Variants in SGK1 observed in about 807,000 individuals in gnomAD.
SGK1 encodes the protein serine/threonine-protein kinase Sgk1.
In SGK1, 26 loss-of-function variants were observed where a neutral mutation model predicts 64.2. The ratio of observed to expected loss-of-function variants is 0.40; its 90% CI spans 0.30 to 0.56. The LOEUF is 0.56. SGK1 is among the 20% of genes least tolerant of loss of function. The pLI, the probability that SGK1 is intolerant of heterozygous loss-of-function variation, is 0.38. For synonymous variants in SGK1, 265 were observed against 239.7 expected, an observed-to-expected ratio of 1.11 and a Z score of -0.98; for missense variants, 519 against 645.6, an observed-to-expected ratio of 0.80 and a Z score of 2.12.
intron 1 of SGK1, among the ~76,000 whole-genome samples, chr6:134,289,650 T>C (rs1217417533): frequency 6.6e-6 from 1 of 152,178 alleles, no homozygotes; most frequent in African/African-American, 2.4e-5. Flanking sequence ...ATTTTACATC[T>C]AAAGTACATC....
intron 1 of SGK1, among the ~76,000 whole-genome samples, chr6:134,273,480 C>A (rs146986103): frequency 2.7e-5 from 4 of 147,190 alleles, no homozygotes; most frequent in Admixed American, 6.9e-5. Context: ...GTAGTCCCAG[C>A]TACTTGGGAG....
intron 3 of SGK1, among the ~76,000 whole-genome samples, chr6:134,175,371 TC>T (rs1775198798): frequency 6.6e-6 from 1 of 151,516 alleles, no homozygotes; most frequent in African/African-American, 2.4e-5. Context: ...CGCGCCACCC[TC>T]CGGGGTTTAT....
At chr6:134,284,842 C>T (rs144940699) in intron 1 of SGK1, among the ~76,000 whole-genome samples, 1 of 152,184 alleles carries the variant, frequency 6.6e-6, no homozygotes, top group African/African-American at 2.4e-5. Flanking sequence ...CCAGCTACAC[C>T]CAAGTTGTGG....
chr6:134,206,337 TGATATATATATATATATATATA>T lies in SGK1; in HGVS notation c.361+997_361+1018del, dbSNP rs1562250122. On this transcript the variant is annotated intron_variant, in intron 3 of 13. Transcript: ENST00000367858. ...TCACAATCCACAAAGCTGTACCTGA[TGATATATATATATATATATATA>T]TATATATATATATATATATATATAT... 2.3e-4 allele frequency among the ~76,000 whole-genome samples: 26 copies of T among 111,454 alleles called. 1 individual carries two copies. Among genetic ancestry groups the T allele is most frequent in the South Asian group, 1.2e-3 (4 of 3,350 alleles). 73.1% of individuals were successfully genotyped at this position (111,454 alleles called of 152,430 possible).
At chr6:134,299,984 A>C (rs967677235) in intron 1 of SGK1, among the ~76,000 whole-genome samples, 36 of 152,200 alleles carry the variant, frequency 2.4e-4, no homozygotes, top group Non-Finnish European at 2.9e-5. Flanking sequence ...AACACACAGC[A>C]GATAACTGAG....
chr6:134,202,459 C>A (rs1369947109), intron 3 of SGK1, among the ~76,000 whole-genome samples: 2 of 151,996 alleles, frequency 1.3e-5, no homozygotes, highest in Admixed American at 1.3e-4. Context: ...GCCTGGCCAA[C>A]ATGGTGAAAC....
chr6:134,269,047 T>C (rs1328469051), intron 1 of SGK1, among the ~76,000 whole-genome samples: 6 of 147,292 alleles, frequency 4.1e-5, no homozygotes. Flanking sequence ...TTTCCACTTG[T>C]GGTTTTTTCC....
chr6:134,274,785 T>A (rs75127917), intron 1 of SGK1, among the ~76,000 whole-genome samples: 10,716 of 148,396 alleles, frequency 0.072, 647 homozygotes, highest in East Asian at 0.25. Flanking sequence ...ATTGCCCTTT[T>A]AGTCTTTTCT....
chr6:134,210,639 C>T (rs1038277125), intron 2 of SGK1, among the ~76,000 whole-genome samples: 1 of 151,368 alleles, frequency 6.6e-6, no homozygotes, highest in Non-Finnish European at 1.5e-5. Context: ...GCCTGGCAAA[C>T]ATGGTGAAAC....
At position 134,317,342 on chromosome 6, in the gene SGK1, A is replaced by G. The variant is rs375658051; in HGVS notation, c.69+50T>C. 23 of 1,160,996 alleles carry G rather than the reference A, an allele frequency of 2.0e-5. No homozygotes were observed. In the African/African-American group the frequency reaches 2.9e-4, roughly 14 times the overall value. The allele number at this position is 1,160,996 out of a possible 1,614,324, so 71.9% of individuals were successfully genotyped here. A position where few individuals can be genotyped will look rare whatever the true frequency, so the allele number is the denominator to read the frequency against. On this transcript the variant is annotated intron_variant, in intron 1 of 13. Coordinates refer to ENST00000367858, the MANE Select transcript of SGK1 (RefSeq NM_001143676.3). Reference sequence around the variant, plus strand: ...TTACTTCAGGCAAACATTCAAAAGCATTTAAGAGAAGCACAGAAAACAAAA... The same window carrying G: ...TTACTTCAGGCAAACATTCAAAAGCGTTTAAGAGAAGCACAGAAAACAAAA...
rs1283316707 is a variant in SGK1 at position 134,174,594 on chromosome 6, T to TGAAGGAGGAGAAATAAAGAAACGTTTA, written c.362-35_362-9dup. On this transcript the variant is annotated splice_polypyrimidine_tract_variant and intron_variant, in intron 3 of 13. Coordinates refer to ENST00000367858, the MANE Select transcript of SGK1 (RefSeq NM_001143676.3). ...TCCTCTGCTTCATGAAAGCTGTGGA[T>TGAAGGAGGAGAAATAAAGAAACGTTTA]GAAGGAGGAGAAATAAAGAAACGTT... 9.9e-6 allele frequency: 16 copies of TGAAGGAGGAGAAATAAAGAAACGTTTA among 1,612,562 alleles called. No individual in the cohort carries two copies. Among genetic ancestry groups the TGAAGGAGGAGAAATAAAGAAACGTTTA allele is most frequent in the Non-Finnish European group, 1.3e-5 (15 of 1,178,740 alleles).
At chr6:134,250,520 C>T (rs1238724091) in intron 2 of SGK1, among the ~76,000 whole-genome samples, 1 of 152,124 alleles carries the variant, frequency 6.6e-6, no homozygotes, top group East Asian at 1.9e-4. Context: ...TTTATTTATC[C>T]TGAACACTAT....
chr6:134,298,224 C>T (rs1777392361), intron 1 of SGK1: 1 of 1,569,990 alleles, frequency 6.4e-7, no homozygotes, highest in East Asian at 2.2e-5. Flanking sequence ...CCAGCTTCAG[C>T]TTCTCCTGGC....
rs556693165 is a variant in SGK1 at position 134,268,323 on chromosome 6, C to T, written c.70-6175G>A. Among the ~76,000 whole-genome samples the T allele has an allele frequency of 7.2e-5, 11 of 152,302 alleles. No homozygotes were observed. In the South Asian group the frequency reaches 2.1e-3, roughly 29 times the overall value. Reference sequence around the variant, plus strand: ...CCAGCGGCAGCCTGGGCTCCTGGGCCTCCTGGGCCACCTGGGCCCTAGTTT... The same window carrying T: ...CCAGCGGCAGCCTGGGCTCCTGGGCTTCCTGGGCCACCTGGGCCCTAGTTT... On this transcript the variant is annotated intron_variant, in intron 1 of 13. Transcript: ENST00000367858.
intron 3 of SGK1, chr6:134,174,856 G>C (rs775064976): frequency 6.2e-7 from 1 of 1,612,222 alleles, no homozygotes; most frequent in Non-Finnish European, 8.5e-7. Flanking sequence ...GACCGGCTCG[G>C]CGTATGCTGC....
chr6:134,271,618 T>G (rs1264425716), intron 1 of SGK1, among the ~76,000 whole-genome samples: 1 of 147,340 alleles, frequency 6.8e-6, no homozygotes, highest in African/African-American at 2.4e-5. Flanking sequence ...TTTTTTTGTT[T>G]GTTTATTTTA....
intron 1 of SGK1, among the ~76,000 whole-genome samples, chr6:134,287,229 C>T (rs1248308862): frequency 1.3e-5 from 2 of 152,146 alleles, no homozygotes; most frequent in Non-Finnish European, 2.9e-5. Flanking sequence ...GCCTCGGGCT[C>T]CCAGATAGCT....
At chr6:134,249,193 C>G (rs10499190) in intron 2 of SGK1, among the ~76,000 whole-genome samples, 23,230 of 152,216 alleles carry the variant, frequency 0.15, 1,991 homozygotes, top group East Asian at 0.29. Flanking sequence ...CAGAAAAAAT[C>G]TCTGGAATTC....
chr6:134,178,766 G>A (rs556345350), intron 3 of SGK1, among the ~76,000 whole-genome samples: 30 of 152,218 alleles, frequency 2.0e-4, no homozygotes, highest in Middle Eastern at 6.8e-3. Flanking sequence ...ACCTTGTGCA[G>A]TCATAGAAAA....
Sources: allele counts gnomAD v4.1 joint callset (sites outside exome capture counted in the v4.1 genomes callset), GRCh38; gene constraint gnomAD v4.1.1; transcripts MANE v1.5; gene names NCBI Gene and HGNC (gene_info 2026-07-23, HGNC 2026-07-21).